Variants in HERC1 observed in about 807,000 individuals in gnomAD.
HERC1 encodes HECT and RLD domain containing E3 ubiquitin protein ligase family member 1.
A neutral mutation model predicts 554.3 loss-of-function variants in HERC1; 160 were observed. That is an observed-to-expected ratio of 0.29 (90% CI 0.25 to 0.33). The LOEUF is 0.33. Among genes scored for constraint, HERC1 ranks in the 10% least tolerant of loss-of-function variants. The pLI is 1.00. For missense variants in HERC1, 4,919 were observed against 5,918.5 expected (o/e 0.83, Z 5.54); for synonymous variants, 2,175 against 2,131.7 (o/e 1.02, Z -0.56).
chr15:63,617,878 G>A (rs994980304), intron 74 of HERC1, among the ~76,000 whole-genome samples: 1 of 151,874 alleles, frequency 6.6e-6, no homozygotes, highest in African/African-American at 2.4e-5. Flanking sequence ...TAAATGTGTT[G>A]GAGTTCATTG....
At chr15:63,676,349 C>T (rs892658930) in intron 37 of HERC1, among the ~76,000 whole-genome samples, 1 of 152,140 alleles carries the variant, frequency 6.6e-6, no homozygotes, top group Admixed American at 6.5e-5. Context: ...AGTCCATTAA[C>T]CCCTGAAATT....
intron 7 of HERC1, 49 bp downstream of exon 7, chr15:63,754,456 A>G (rs767414355): frequency 1.3e-6 from 2 of 1,494,932 alleles, no homozygotes; most frequent in South Asian, 2.8e-5. Context: ...AAATTTTTAA[A>G]AAACTCAAGA....
At chr15:63,742,511 T>C (rs563739616) in intron 12 of HERC1, among the ~76,000 whole-genome samples, 51 of 152,330 alleles carry the variant, frequency 3.3e-4, no homozygotes, top group African/African-American at 1.2e-3. Context: ...CCAGCTAGAA[T>C]AGAAATGGCA....
chr15:63,740,083 G>A (rs1373639297), intron 12 of HERC1, among the ~76,000 whole-genome samples: 1 of 151,940 alleles, frequency 6.6e-6, no homozygotes, highest in South Asian at 2.1e-4. Context: ...ACTAATTTTT[G>A]TATTTTTAGT....
chr15:63,802,100 C>G (rs544509050), intron 1 of HERC1, among the ~76,000 whole-genome samples: 2 of 152,228 alleles, frequency 1.3e-5, no homozygotes, highest in Admixed American at 1.3e-4. Context: ...GGAGGAAGAG[C>G]CCATTTGCAA....
chr15:63,758,692 C>A lies in HERC1; in HGVS notation c.1027-323G>T, dbSNP rs2142127718. Among the ~76,000 whole-genome samples the A allele has an allele frequency of 6.6e-6, 1 of 152,176 alleles. No homozygotes were observed. Among genetic ancestry groups the A allele is most frequent in the East Asian group, 1.9e-4 (1 of 5,182 alleles). ...CATGGATAATCTTAACATCTTAATA[C>A]AATAAATTTTACCTTTTAAATATAT... is the stretch of plus-strand genomic sequence containing the variant. On this transcript the variant is annotated intron_variant, in intron 3 of 77. Transcript: ENST00000443617. This position sits in a 1 kb window ranked among gnomAD's most constrained non-coding sequence, Gnocchi z 4.0.
intron 1 of HERC1, among the ~76,000 whole-genome samples, chr15:63,794,827 A>G (rs1238137062): frequency 6.6e-6 from 1 of 152,132 alleles, no homozygotes; most frequent in Non-Finnish European, 1.5e-5. Flanking sequence ...GCACTTTGGG[A>G]GGCCGAGGTG....
chr15:63,723,986 A>G (rs1309087513), intron 18 of HERC1, among the ~76,000 whole-genome samples: 2 of 152,230 alleles, frequency 1.3e-5, no homozygotes, highest in African/African-American at 4.8e-5. Context: ...TCAAAAATCA[A>G]TTCAACCCAT....
intron 77 of HERC1, among the ~76,000 whole-genome samples, chr15:63,610,618 C>G (rs1388152636): frequency 6.6e-6 from 1 of 152,222 alleles, no homozygotes; most frequent in Non-Finnish European, 1.5e-5. Flanking sequence ...TGGAAAGGCT[C>G]TTTTATAATC....
Position 63,643,504 on chromosome 15 carries a change from C to T in HERC1, c.11231G>A (p.Arg3744Gln), listed in dbSNP as rs200742146. The change falls in exon 58 of 78, where the codon CGG becomes CAG. Residue 3744 changes from arginine to glutamine, a missense_variant. Around this residue, in one of 11 missense-constraint regions of HERC1, gnomAD observed 1,963 missense variants for 2,228.6 expected, o/e 0.88. Coordinates refer to ENST00000443617, the MANE Select transcript of HERC1 (RefSeq NM_003922.4). Reference protein sequence around the residue: ...SSGAKCVYQLRGHITPVRTVA... With the variant: ...SSGAKCVYQLQGHITPVRTVA... The stretch of plus-strand genomic sequence containing the variant: ...AGTCCGAACAGGAGTGATGTGTCCC[C>T]GCAGCTGATAAACACACTTGGCTCC... The T allele has an allele frequency of 1.3e-3, 2,027 of 1,609,780 alleles. 2 individuals carry two copies. The highest frequency in any genetic ancestry group is 1.5e-3 in the Non-Finnish European group (1,790 of 1,177,668).
At position 63,680,479 on chromosome 15, in the gene HERC1, C is replaced by T. The variant is rs767973147; in HGVS notation, c.6465+58G>A. ...ACTGAATACGTGGCACTTGAATAAC[C>T]GAGTTGACTATAAATAGAAACAAGA... is the stretch of plus-strand genomic sequence containing the variant. On this transcript the variant is annotated intron_variant, in intron 35 of 77. Transcript: ENST00000443617. The surrounding 1 kb of genome is among the most constrained non-coding windows in gnomAD (Gnocchi z 5.8). 91 of 1,568,956 alleles carry T rather than the reference C, an allele frequency of 5.8e-5. No homozygotes were observed. The highest frequency in any genetic ancestry group is 9.1e-5 in the East Asian group (4 of 44,128).
Position 63,645,078 on chromosome 15 carries a change from C to G in HERC1, c.11098G>C (p.Val3700Leu). The change falls in exon 57 of 78, where the codon GTA becomes CTA. Residue 3700 changes from valine (V) to leucine (L), a missense_variant. Transcript: ENST00000443617. ...LMATGCQSGL[V>L]CVWRIPQDTT... ...TCTTGAGGAATGCGCCAAACACATA[C>G]TAAGCCACTCTGACAGCCACTTAAA... 6.2e-7 allele frequency: 1 copy of G among 1,613,736 alleles called. No homozygotes were observed. The highest frequency in any genetic ancestry group is 8.5e-7 in the Non-Finnish European group (1 of 1,179,734).
At chr15:63,811,253 T>C (rs2077298265) in intron 1 of HERC1, among the ~76,000 whole-genome samples, 1 of 152,222 alleles carries the variant, frequency 6.6e-6, no homozygotes, top group Non-Finnish European at 1.5e-5. Context: ...GAGAATGTCC[T>C]TCTTCTTAGA....
At chr15:63,693,268 GGCTCTC>G (rs1190630619) in intron 30 of HERC1, among the ~76,000 whole-genome samples, 1 of 150,332 alleles carries the variant, frequency 6.7e-6, no homozygotes, top group Non-Finnish European at 1.5e-5. Context: ...TTTTGAGACA[GGCTCTC>G]GCTCTGTCAT....
rs941815752 is a variant in HERC1, at chr15:63,637,593, C to T, written c.12144G>A (p.Val4048=). ...CATAACTTCCTTCCCCACAAGCCAACACTGTGCCATTGGCCTGGATGACAA... is the reference window on the plus strand; with the variant it reads ...CATAACTTCCTTCCCCACAAGCCAATACTGTGCCATTGGCCTGGATGACAA... ...CTFVIQANGT[V]LACGEGSYGR... is the part of the protein sequence containing the mutation. Residue 4048 remains valine (V), a synonymous_variant, in exon 64 of 78, where the codon GTG becomes GTA. Coordinates refer to ENST00000443617, the MANE Select transcript of HERC1 (RefSeq NM_003922.4). 7.1e-6 allele frequency: 11 copies of T among 1,554,658 alleles called. No homozygotes were observed. The African/African-American group carries it at 1.4e-4, about 19-fold the overall frequency.
intron 69 of HERC1, 66 bp from the exon 70 acceptor site, chr15:63,628,881 A>G (rs930522315): frequency 2.0e-6 from 3 of 1,515,354 alleles, no homozygotes; most frequent in Non-Finnish European, 9.0e-7. Flanking sequence ...TCAATATGAA[A>G]TTTTTCTTAG....
Position 63,661,930 on chromosome 15 carries a change from T to C in HERC1, c.8993A>G (p.Asn2998Ser), listed in dbSNP as rs1207246057. The change falls in exon 45 of 78, where the codon AAC becomes AGC. Residue 2998 changes from asparagine (N) to serine (S), a missense_variant. By Grantham distance (46) the Asn-to-Ser change is conservative. Transcript: ENST00000443617. ...VVSFNQHMKR[N>S]HPGCGRSANR... Reference sequence around the variant, plus strand: ...TGCACTGCGCCCACAGCCTGGATGGTTTCTCTTCATGTGCTGATTGAAGCT... The same window carrying C: ...TGCACTGCGCCCACAGCCTGGATGGCTTCTCTTCATGTGCTGATTGAAGCT... The C allele has an allele frequency of 6.2e-7, 1 of 1,613,848 alleles. No homozygotes were observed. Among genetic ancestry groups the C allele is most frequent in the Non-Finnish European group, 8.5e-7 (1 of 1,179,896 alleles).
At chr15:63,667,485 T>C (rs1045949964) in intron 40 of HERC1, among the ~76,000 whole-genome samples, 8 of 151,986 alleles carry the variant, frequency 5.3e-5, no homozygotes, top group Non-Finnish European at 1.0e-4. Flanking sequence ...ACACTGGACA[T>C]TAACAGAACA....
intron 3 of HERC1, among the ~76,000 whole-genome samples, chr15:63,762,602 G>A (rs890059536): frequency 1.3e-5 from 2 of 152,146 alleles, no homozygotes; most frequent in African/African-American, 4.8e-5. Context: ...TGGGATTACA[G>A]GTGTGAGCCA....
Sources: allele counts gnomAD v4.1 joint callset (sites outside exome capture counted in the v4.1 genomes callset), GRCh38; gene constraint gnomAD v4.1.1; regional missense constraint gnomAD v4.1.1; non-coding constraint Gnocchi (gnomAD v3.1); transcripts MANE v1.5; gene names NCBI Gene and HGNC (gene_info 2026-07-23, HGNC 2026-07-21).